The following WNT3 variants were observed in gnomAD, a reference collection of about 807,000 sequenced individuals.
WNT3 encodes the protein Wnt family member 3, also known as proto-oncogene Wnt-3.
WNT3 carries 7 observed loss-of-function variants against 34.2 expected under a neutral mutation model. That is an observed-to-expected ratio of 0.20 (90% CI 0.12 to 0.38). The LOEUF is 0.38. Among genes scored for constraint, WNT3 ranks in the 10% least tolerant of loss-of-function variants. The pLI, the probability that WNT3 is intolerant of heterozygous loss-of-function variation, is 1.00. For synonymous variants in WNT3, 212 were observed against 211.5 expected, an observed-to-expected ratio of 1.00 and a Z score of -0.02; for missense variants, 267 against 499.8, an observed-to-expected ratio of 0.53 and a Z score of 4.44.
At chr17:46,779,103 A>ACACACCC (rs749719578) in intron 1 of WNT3, among the ~76,000 whole-genome samples, 20 of 133,584 alleles carry the variant, frequency 1.5e-4, no homozygotes, top group East Asian at 5.1e-4. Context: ...ACACACACAC[A>ACACACCC]CCCCAGCCCA....
intron 1 of WNT3, among the ~76,000 whole-genome samples, chr17:46,818,041 G>C (rs1415034169): frequency 6.6e-6 from 1 of 152,064 alleles, no homozygotes; most frequent in East Asian, 1.9e-4. Context: ...GGAAGGCAAA[G>C]GGGGGTTATT....
At position 46,779,103 on chromosome 17, in the gene WNT3, A is replaced by ACACAC. The variant is rs749719578; in HGVS notation, c.81-5195_81-5194insGTGTG. Reference sequence around the variant, plus strand: ...CACACACACACACACACACACACACACCCCAGCCCACTCGGCCTTCCAAAG... The same window carrying ACACAC: ...CACACACACACACACACACACACACACACACCCCCAGCCCACTCGGCCTTCCAAAG... On this transcript the variant is annotated intron_variant, in intron 1 of 4. Coordinates refer to ENST00000225512, the MANE Select transcript of WNT3 (RefSeq NM_030753.5). Among the ~76,000 whole-genome samples, 238 of 133,632 alleles carry ACACAC rather than the reference A, an allele frequency of 1.8e-3. 2 individuals carry two copies. The highest frequency in any genetic ancestry group is 6.2e-3 in the African/African-American group (226 of 36,358). The allele number at this position is 133,632 out of a possible 152,430, so 87.7% of individuals were successfully genotyped here.
chr17:46,776,881 T>C (rs1187570891), intron 1 of WNT3, among the ~76,000 whole-genome samples: 1 of 151,902 alleles, frequency 6.6e-6, no homozygotes, highest in African/African-American at 2.4e-5. Flanking sequence ...CCCTCCTCCT[T>C]CCCCTCCCGT....
chr17:46,778,165 C>T (rs1476002779), intron 1 of WNT3, among the ~76,000 whole-genome samples: 3 of 152,170 alleles, frequency 2.0e-5, no homozygotes, highest in Admixed American at 2.0e-4. Context: ...TGCCTTGTCA[C>T]CAACCTCATT....
intron 1 of WNT3, among the ~76,000 whole-genome samples, chr17:46,779,103 A>ACACACACACACACACCCC (rs749719578): frequency 1.5e-4 from 20 of 133,660 alleles, no homozygotes; most frequent in East Asian, 1.0e-3. Context: ...ACACACACAC[A>ACACACACACACACACCCC]CCCCAGCCCA....
intron 1 of WNT3, among the ~76,000 whole-genome samples, chr17:46,786,565 C>G (rs966602889): frequency 6.6e-6 from 1 of 152,242 alleles, no homozygotes; most frequent in Non-Finnish European, 1.5e-5. Context: ...GAGCAGCTCC[C>G]AAGGACACAT....
chr17:46,800,482 G>T (rs893686896), intron 1 of WNT3, among the ~76,000 whole-genome samples: 2 of 151,606 alleles, frequency 1.3e-5, no homozygotes, highest in Admixed American at 1.3e-4. Flanking sequence ...TGATGCAGAG[G>T]CCTACAGAGC....
At chr17:46,796,955 AAACCAAACTG>A (rs1342083012) in intron 1 of WNT3, among the ~76,000 whole-genome samples, 2 of 152,198 alleles carry the variant, frequency 1.3e-5, no homozygotes, top group East Asian at 3.8e-4. Context: ...TAAGACCACA[AAACCAAACTG>A]ACTGAAATAG....
chr17:46,813,796 C>A (rs2146469139), intron 1 of WNT3, among the ~76,000 whole-genome samples: 1 of 152,284 alleles, frequency 6.6e-6, no homozygotes, highest in Non-Finnish European at 1.5e-5. Flanking sequence ...CTACATCTGC[C>A]CAAGTACCAT....
At position 46,762,590 on chromosome 17, in the gene WNT3, T is replaced by G. The variant is rs1233449871; in HGVS notation, c.*2040A>C. On this transcript the variant is annotated 3_prime_UTR_variant, in exon 5 of 5. Transcript: ENST00000225512. ...ATATTTTCTCCAAATATATATATAT[T>G]TATATAATATATAATCTTAGTTAAC... 1.3e-5 allele frequency: 2 copies of G among 150,562 alleles called. No individual in the cohort carries two copies. Among genetic ancestry groups the G allele is most frequent in the Admixed American group, 1.3e-4 (2 of 15,086 alleles). 9.3% of individuals were successfully genotyped at this position (150,562 alleles called of 1,614,324 possible).
At chr17:46,787,386 A>G (rs1483460762) in intron 1 of WNT3, among the ~76,000 whole-genome samples, 1 of 152,208 alleles carries the variant, frequency 6.6e-6, no homozygotes, top group African/African-American at 2.4e-5. Context: ...ATTCTATTAC[A>G]GTGTTAGGTC....
At position 46,768,014 on chromosome 17, in the gene WNT3, C is replaced by T. The variant is rs554272283; in HGVS notation, c.*8+298G>A. ...TGTTGGCCAGGCCGGTCTCGAACTC[C>T]TGACCTCAGGTGATCCGTCCACCTC... On this transcript the variant is annotated intron_variant, in intron 4 of 4. Transcript: ENST00000225512. This position sits in a 1 kb window ranked among gnomAD's most constrained non-coding sequence, Gnocchi z 5.0. Among the ~76,000 whole-genome samples the T allele has an allele frequency of 6.6e-6, 1 of 152,336 alleles. No homozygotes were observed. The highest frequency in any genetic ancestry group is 2.4e-5 in the African/African-American group (1 of 41,582).
In WNT3 at chr17:46,763,257, T is replaced by C. The variant is rs1306756953; in HGVS notation, c.*1373A>G. On this transcript the variant is annotated 3_prime_UTR_variant, in exon 5 of 5. Transcript: ENST00000225512. ...CTCCCTAAGACAGTTGTTGAACCAA[T>C]TCATACTGTGAAATCCATGTGCCTC... 1 of 152,248 alleles carries C rather than the reference T, an allele frequency of 6.6e-6. No homozygotes were observed. Among genetic ancestry groups the C allele is most frequent in the African/African-American group, 2.4e-5 (1 of 41,454 alleles). The allele number at this position is 152,248 out of a possible 1,614,324, so 9.4% of individuals were successfully genotyped here.
intron 1 of WNT3, among the ~76,000 whole-genome samples, chr17:46,784,089 C>T (rs964051931): frequency 3.3e-5 from 5 of 152,082 alleles, no homozygotes; most frequent in African/African-American, 1.2e-4. Context: ...TCTGGGTCAC[C>T]GGGGTCTGTG....
intron 1 of WNT3, among the ~76,000 whole-genome samples, chr17:46,804,144 G>A (rs1197650729): frequency 6.6e-6 from 1 of 151,984 alleles, no homozygotes; most frequent in Non-Finnish European, 1.5e-5. Flanking sequence ...CTGGAGTGCA[G>A]TGGTGTGATC....
chr17:46,773,219 T>C (rs76628087), intron 2 of WNT3, among the ~76,000 whole-genome samples: 149,329 of 152,192 alleles, frequency 0.98, 73,314 homozygotes, highest in East Asian at 1. Context: ...AACAGAAACC[T>C]AGAGGGGCTC....
At chr17:46,770,913 C>A (rs1435783697) in intron 2 of WNT3, among the ~76,000 whole-genome samples, 1 of 152,268 alleles carries the variant, frequency 6.6e-6, no homozygotes, top group African/African-American at 2.4e-5. Flanking sequence ...AGACCTGCAG[C>A]CCAACCATCT....
intron 1 of WNT3, among the ~76,000 whole-genome samples, chr17:46,817,861 A>T (rs939419603): frequency 9.2e-5 from 14 of 152,102 alleles, no homozygotes; most frequent in South Asian, 2.1e-4. Flanking sequence ...GCCAGGGTGG[A>T]CAAGCAAGAA....
At chr17:46,797,894 C>T (rs2084074460) in intron 1 of WNT3, among the ~76,000 whole-genome samples, 1 of 152,106 alleles carries the variant, frequency 6.6e-6, no homozygotes, top group African/African-American at 2.4e-5. Context: ...CAAAATAAAA[C>T]ATTTCATTTA....
Sources: gnomAD v4.1 joint callset for allele counts (sites outside exome capture counted in the v4.1 genomes callset) on GRCh38, gnomAD v4.1.1 for gene constraint, Gnocchi (gnomAD v3.1) non-coding constraint, MANE v1.5 for transcripts, NCBI Gene and HGNC (gene_info 2026-07-23, HGNC 2026-07-21) for gene names.